SDK1: variants seen among roughly 807,000 people sequenced by gnomAD.
The protein encoded by SDK1 is sidekick cell adhesion molecule 1.
Under a neutral mutation model 245.5 loss-of-function variants are expected in SDK1, and 157 were observed. The ratio of observed to expected loss-of-function variants is 0.64; its 90% CI spans 0.56 to 0.73. The LOEUF (loss-of-function observed/expected upper bound fraction) is 0.73. Among genes scored for constraint, SDK1 ranks in the 30% least tolerant of loss-of-function variants. The pLI, the probability that SDK1 is intolerant of heterozygous loss-of-function variation, is 0.00. For synonymous variants in SDK1, 1,647 were observed against 1,278.5 expected, an observed-to-expected ratio of 1.29 and a Z score of -6.15; for missense variants, 3,583 against 3,002.3, an observed-to-expected ratio of 1.19 and a Z score of -4.52.
intron 1 of SDK1, among the ~76,000 whole-genome samples, chr7:3,415,961 T>C (rs141928005): frequency 7.7e-4 from 117 of 152,240 alleles, no homozygotes; most frequent in Non-Finnish European, 1.1e-3. Context: ...CATATTCTGT[T>C]AGTGTTGTCA....
chr7:3,798,178 A>G (rs1035330849), intron 4 of SDK1, among the ~76,000 whole-genome samples: 2 of 144,812 alleles, frequency 1.4e-5, no homozygotes, highest in Non-Finnish European at 3.0e-5. Context: ...GACTTCTCCA[A>G]TCTGTGACCT....
At chr7:3,809,751 G>A (rs988846050) in intron 4 of SDK1, among the ~76,000 whole-genome samples, 1 of 152,232 alleles carries the variant, frequency 6.6e-6, no homozygotes, top group Admixed American at 6.5e-5. Context: ...TCTGCGGGCA[G>A]CATCACGTGG....
chr7:4,010,579 A>G (rs771643790), intron 14 of SDK1, among the ~76,000 whole-genome samples: 73 of 152,206 alleles, frequency 4.8e-4, no homozygotes, highest in Non-Finnish European at 9.6e-4. Context: ...TTTATCATTC[A>G]GTGACATGTG....
rs373002433 is a variant in SDK1, at chr7:4,233,207, GACTTCGC to G, written c.5828-42_5828-36del. On this transcript the variant is annotated intron_variant, in intron 40 of 44. Transcript: ENST00000404826. The stretch of plus-strand genomic sequence containing the variant: ...GCAGGTGCATGGGGCTCGCATCTGG[GACTTCGC>G]ACTTCTAACCTCTGCTCTCGCCTCC... The G allele has an allele frequency of 3.4e-4, 540 of 1,576,014 alleles. 2 individuals are homozygous for G. In the African/African-American group the frequency reaches 6.3e-3, roughly 19 times the overall value.
chr7:3,925,580 G>A (rs1241966286), intron 5 of SDK1, among the ~76,000 whole-genome samples: 1 of 152,212 alleles, frequency 6.6e-6, no homozygotes, highest in Non-Finnish European at 1.5e-5. Context: ...TGTTCTCGCT[G>A]TTGTCAGCCA....
intron 14 of SDK1, among the ~76,000 whole-genome samples, chr7:4,000,730 T>C (rs1481249715): frequency 1.3e-5 from 2 of 152,258 alleles, no homozygotes; most frequent in Non-Finnish European, 2.9e-5. Context: ...TCAAATATTT[T>C]AATACTGTCT....
At chr7:3,531,046 C>T (rs930364160) in intron 1 of SDK1, among the ~76,000 whole-genome samples, 1 of 152,184 alleles carries the variant, frequency 6.6e-6, no homozygotes, top group Non-Finnish European at 1.5e-5. Context: ...TATAACTCTG[C>T]TTCATATACC....
At chr7:4,236,458 T>C (rs892021409) in intron 41 of SDK1, among the ~76,000 whole-genome samples, 2 of 152,146 alleles carry the variant, frequency 1.3e-5, no homozygotes, top group African/African-American at 4.8e-5. Context: ...GTCGTTCAGC[T>C]TGGTTTTGCT....
At chr7:3,566,994 G>A (rs1171525686) in intron 1 of SDK1, among the ~76,000 whole-genome samples, 1 of 152,058 alleles carries the variant, frequency 6.6e-6, no homozygotes, top group Non-Finnish European at 1.5e-5. Context: ...CTATACTGGA[G>A]AACAGAAGTT....
intron 26 of SDK1, among the ~76,000 whole-genome samples, chr7:4,128,066 C>G (rs932527635): frequency 5.3e-5 from 8 of 152,178 alleles, no homozygotes; most frequent in African/African-American, 7.2e-5. Flanking sequence ...TGCATCCACC[C>G]CACCCCTTTA....
intron 19 of SDK1, among the ~76,000 whole-genome samples, chr7:4,054,115 A>G (rs576791225): frequency 1.3e-4 from 19 of 151,760 alleles, no homozygotes; most frequent in Non-Finnish European, 2.4e-4. Context: ...ATTTTTTTGT[A>G]TTTTTAATAG....
intron 1 of SDK1, among the ~76,000 whole-genome samples, chr7:3,329,883 G>T (rs908053278): frequency 6.6e-6 from 1 of 152,122 alleles, no homozygotes; most frequent in African/African-American, 2.4e-5. Context: ...AAGTAATCTA[G>T]CGATGACTTA....
At chr7:4,105,908 G>A (rs574577427) in intron 22 of SDK1, among the ~76,000 whole-genome samples, 1 of 152,318 alleles carries the variant, frequency 6.6e-6, no homozygotes, top group African/African-American at 2.4e-5. Flanking sequence ...ATGACAAACC[G>A]CGGCTGCAGG....
intron 4 of SDK1, among the ~76,000 whole-genome samples, chr7:3,687,100 C>CACACACACACACACACACACACACACACA (rs57916967): frequency 8.9e-5 from 13 of 146,822 alleles, no homozygotes; most frequent in African/African-American, 3.3e-4. Context: ...CACACACACA[C>CACACACACACACACACACACACACACACA]CACCCTGTAT....
At chr7:4,158,238 T>C (rs1012523618) in intron 30 of SDK1, among the ~76,000 whole-genome samples, 3 of 152,196 alleles carry the variant, frequency 2.0e-5, no homozygotes, top group African/African-American at 7.2e-5. Context: ...GTCCAGGGTC[T>C]CCTTCAAGCC....
intron 5 of SDK1, among the ~76,000 whole-genome samples, chr7:3,844,151 AGTTGAG>A (rs1383324581): frequency 6.6e-6 from 1 of 152,064 alleles, no homozygotes; most frequent in Non-Finnish European, 1.5e-5. Context: ...TTGTATTTTT[AGTTGAG>A]GTGGAATTTC....
chr7:3,723,937 TATATATAGAGAGAGAG>T (rs1465425441), intron 4 of SDK1, among the ~76,000 whole-genome samples: 5 of 119,220 alleles, frequency 4.2e-5, no homozygotes, highest in South Asian at 2.8e-4. Context: ...TATATATATA[TATATATAGAGAGAGAG>T]AGAGAGAGAG....
At chr7:3,719,184 T>C (rs1396626202) in intron 4 of SDK1, among the ~76,000 whole-genome samples, 1 of 149,548 alleles carries the variant, frequency 6.7e-6, no homozygotes, top group Admixed American at 6.7e-5. Flanking sequence ...TGCTGAGAAA[T>C]GGAAGAAATC....
intron 5 of SDK1, among the ~76,000 whole-genome samples, chr7:3,889,696 G>A (rs1428153193): frequency 6.6e-6 from 1 of 152,140 alleles, no homozygotes; most frequent in Admixed American, 6.5e-5. Flanking sequence ...TTTTAGTAGA[G>A]ACAGGGTTTC....
Sources: allele counts gnomAD v4.1 joint callset (sites outside exome capture counted in the v4.1 genomes callset), GRCh38; gene constraint gnomAD v4.1.1; transcripts MANE v1.5; gene names NCBI Gene and HGNC (gene_info 2026-07-23, HGNC 2026-07-21).